CEP85L: variants seen among roughly 807,000 people sequenced by gnomAD.
The protein encoded by CEP85L is centrosomal protein of 85 kDa-like.
Under a neutral mutation model 100.3 loss-of-function variants are expected in CEP85L, and 60 were observed. That is an observed-to-expected ratio of 0.60 (90% confidence interval 0.49 to 0.74). The LOEUF (loss-of-function observed/expected upper bound fraction) is 0.74, where lower values mean the gene tolerates loss of function less well. Among genes scored for constraint, CEP85L ranks in the 30% least tolerant of loss-of-function variants. The pLI, the probability that CEP85L is intolerant of heterozygous loss-of-function variation, is 0.00. For synonymous variants in CEP85L, 319 were observed against 322.7 expected, an observed-to-expected ratio of 0.99 and a Z score of 0.12; for missense variants, 973 against 936.2, an observed-to-expected ratio of 1.04 and a Z score of -0.51.
intron 2 of CEP85L, among the ~76,000 whole-genome samples, chr6:118,629,404 T>C (rs1773999420): frequency 6.6e-6 from 1 of 152,206 alleles, no homozygotes; most frequent in African/African-American, 2.4e-5. Context: ...AAAGATGATA[T>C]ACAGGCAGCA....
rs141046415 is a variant in CEP85L at position 118,577,807 on chromosome 6, G to A, written c.233-11491C>T. Among the ~76,000 whole-genome samples, 34 of 152,124 alleles carry A rather than the reference G, an allele frequency of 2.2e-4. No homozygotes were observed. The East Asian group carries it at 4.6e-3, about 21-fold the overall frequency. ...TTCTAGAATTCTTCTCTAGTCTCAC[G>A]GAAAAATGGTTTAGAAAATGGAAGG... On this transcript the variant is annotated intron_variant, in intron 2 of 12. Transcript: ENST00000368491.
upstream of CEP85L, chr6:118,651,871 G>A: frequency 1.0e-6 from 1 of 985,588 alleles, no homozygotes; most frequent in Non-Finnish European, 1.2e-6. Flanking sequence ...CCCTCCCTTG[G>A]GTAATCCCTC....
intron 1 of CEP85L, among the ~76,000 whole-genome samples, chr6:118,702,016 T>C (rs78948540): frequency 0.038 from 5,851 of 152,292 alleles, 182 homozygotes; most frequent in Middle Eastern, 0.12. Flanking sequence ...AACAGTAATA[T>C]AGCATTTTAG....
At chr6:118,567,249 G>GTGTGTGTA (rs1173790079) in intron 2 of CEP85L, among the ~76,000 whole-genome samples, 1 of 43,778 alleles carries the variant, frequency 2.3e-5, no homozygotes, top group African/African-American at 8.8e-5. Flanking sequence ...GTGTGTGTGT[G>GTGTGTGTA]TATATATATA....
At chr6:118,560,639 A>G (rs1365887249) in intron 3 of CEP85L, 1 of 166,984 alleles carries the variant, frequency 6.0e-6, no homozygotes, top group Non-Finnish European at 1.5e-5. Flanking sequence ...CTATCAACCA[A>G]ATGGTAAGCA....
At chr6:118,565,491 C>A in intron 3 of CEP85L, 38 bp downstream of exon 3, 1 of 1,587,602 alleles carries the variant, frequency 6.3e-7, no homozygotes. Flanking sequence ...CTCATAACAT[C>A]CACTGGAGGG....
intron 2 of CEP85L, among the ~76,000 whole-genome samples, chr6:118,620,057 T>C (rs1773340295): frequency 6.6e-6 from 1 of 152,144 alleles, no homozygotes; most frequent in Admixed American, 6.5e-5. Context: ...GGAAGAAGCC[T>C]ATGAACTACT....
intron 1 of CEP85L, among the ~76,000 whole-genome samples, chr6:118,693,503 A>G (rs1777110323): frequency 6.6e-6 from 1 of 152,214 alleles, no homozygotes; most frequent in Admixed American, 6.5e-5. Context: ...TTTTTGGAAC[A>G]ATATCTTATG....
chr6:118,551,006 C>A (rs976788482), intron 3 of CEP85L, among the ~76,000 whole-genome samples: 2 of 151,728 alleles, frequency 1.3e-5, no homozygotes, highest in Non-Finnish European at 3.0e-5. Context: ...AAATAACACA[C>A]CCCAATCAAT....
intron 2 of CEP85L, among the ~76,000 whole-genome samples, chr6:118,631,111 A>C (rs1471173184): frequency 1.3e-5 from 2 of 152,150 alleles, no homozygotes; most frequent in African/African-American, 4.8e-5. Flanking sequence ...ATTGTAACAA[A>C]TATACTACAC....
intron 2 of CEP85L, among the ~76,000 whole-genome samples, chr6:118,628,901 T>C (rs1455784837): frequency 5.3e-5 from 8 of 152,126 alleles, no homozygotes; most frequent in African/African-American, 1.4e-4. Flanking sequence ...TTCATTAAAA[T>C]AGAAAGCATC....
chr6:118,571,594 T>C (rs1479042384), intron 2 of CEP85L, among the ~76,000 whole-genome samples: 1 of 152,104 alleles, frequency 6.6e-6, no homozygotes, highest in African/African-American at 2.4e-5. Flanking sequence ...GGTATCTCTC[T>C]CTCTCTCTCT....
intron 1 of CEP85L, among the ~76,000 whole-genome samples, chr6:118,663,372 A>C (rs1776034728): frequency 6.6e-6 from 1 of 152,230 alleles, no homozygotes; most frequent in South Asian, 2.1e-4. Context: ...GAATATGATA[A>C]ACAATCTAAA....
At chr6:118,592,345 T>C (rs1265417458) in intron 2 of CEP85L, among the ~76,000 whole-genome samples, 3 of 151,474 alleles carry the variant, frequency 2.0e-5, no homozygotes, top group Non-Finnish European at 2.9e-5. Flanking sequence ...TTTTTTTTTT[T>C]TTTGATCAGT....
intron 4 of CEP85L, among the ~76,000 whole-genome samples, chr6:118,512,364 A>T (rs1299509314): frequency 6.6e-6 from 1 of 152,114 alleles, no homozygotes; most frequent in East Asian, 1.9e-4. Context: ...GTGGAAGGGC[A>T]ACCAAAAAAA....
chr6:118,602,005 C>T (rs1375988612), intron 2 of CEP85L, among the ~76,000 whole-genome samples: 1 of 152,130 alleles, frequency 6.6e-6, no homozygotes, highest in Non-Finnish European at 1.5e-5. Context: ...TTACCCAGCT[C>T]CTGTTTAAGA....
chr6:118,512,922 G>C (rs1244562726), intron 4 of CEP85L, among the ~76,000 whole-genome samples: 2 of 152,134 alleles, frequency 1.3e-5, no homozygotes, highest in Non-Finnish European at 2.9e-5. Flanking sequence ...CCAATCAACT[G>C]AAAGTGAGCT....
At chr6:118,573,476 A>G (rs978761167) in intron 2 of CEP85L, among the ~76,000 whole-genome samples, 2 of 152,342 alleles carry the variant, frequency 1.3e-5, no homozygotes, top group African/African-American at 4.8e-5. Flanking sequence ...AAGGAAGAGC[A>G]AAGAGACAAA....
chr6:118,650,789 G>A (rs2115384579), intron 1 of CEP85L, among the ~76,000 whole-genome samples: 1 of 152,278 alleles, frequency 6.6e-6, no homozygotes, highest in Non-Finnish European at 1.5e-5. Flanking sequence ...CGCCCGGGCC[G>A]CCGCCGCAGC....
Sources: allele counts gnomAD v4.1 joint callset (sites outside exome capture counted in the v4.1 genomes callset), GRCh38; gene constraint gnomAD v4.1.1; transcripts MANE v1.5; gene names NCBI Gene and HGNC (gene_info 2026-07-23, HGNC 2026-07-21).